Variants in KIDINS220 observed in about 807,000 individuals in gnomAD.
KIDINS220 encodes kinase D interacting substrate 220, also known as kinase D-interacting substrate of 220 kDa.
KIDINS220 carries 63 observed loss-of-function variants against 157.6 expected under a neutral mutation model. That is an observed-to-expected ratio of 0.40 (90% CI 0.33 to 0.49). The LOEUF is 0.49. KIDINS220 is among the 20% of genes least tolerant of loss of function. KIDINS220 has a pLI of 0.66. For synonymous variants in KIDINS220, 732 were observed against 783.6 expected, an observed-to-expected ratio of 0.93 and a Z score of 1.10; for missense variants, 1,772 against 2,171.2, an observed-to-expected ratio of 0.82 and a Z score of 3.65.
intron 1 of KIDINS220, among the ~76,000 whole-genome samples, chr2:8,834,387 T>C (rs1680092196): frequency 6.6e-6 from 1 of 151,920 alleles, no homozygotes; most frequent in African/African-American, 2.4e-5. Flanking sequence ...AGTGACTTTC[T>C]GTACATACGT....
At chr2:8,721,318 T>C (rs1173678239), downstream of KIDINS220, 8 of 152,156 alleles carry the variant, frequency 5.3e-5, no homozygotes, top group Non-Finnish European at 1.2e-4. Context: ...GCAAATAAGA[T>C]GAATTTATTC....
chr2:8,744,388 AATATATATATATAATATATAT>A (rs1558328264), intron 26 of KIDINS220, among the ~76,000 whole-genome samples: 6 of 26,160 alleles, frequency 2.3e-4, no homozygotes, highest in African/African-American at 9.3e-4. Context: ...AAAAAAAAAA[AATATATATATATAATATATAT>A]ATATATATAT....
At chr2:8,823,390 C>A (rs1678279638) in intron 2 of KIDINS220, among the ~76,000 whole-genome samples, 4 of 144,298 alleles carry the variant, frequency 2.8e-5, no homozygotes, top group Non-Finnish European at 3.0e-5. Flanking sequence ...TTTTGTAATT[C>A]TATAAAAATT....
At position 8,778,986 on chromosome 2, in the gene KIDINS220, CA is replaced by C; in HGVS notation, c.2523del (p.Val842CysfsTer8). The C allele has an allele frequency of 6.2e-7, 1 of 1,614,114 alleles. No individual in the cohort carries two copies. Among genetic ancestry groups the C allele is most frequent in the Non-Finnish European group, 8.5e-7 (1 of 1,179,976 alleles). On this transcript the variant is annotated frameshift_variant, in exon 19 of 30. Coordinates refer to ENST00000256707, the MANE Select transcript of KIDINS220 (RefSeq NM_020738.4). LOFTEE classifies it high-confidence loss of function. ...CTTAGTCCACGACTATTAAGGAACA[CA>C]GGCAAGTGGACTATGTTGCGCATGT... ...HDYMRNIVHL[P>X]VFLNSRGLSN...
intron 22 of KIDINS220, among the ~76,000 whole-genome samples, chr2:8,768,385 G>A (rs1049750899): frequency 3.9e-5 from 6 of 152,080 alleles, no homozygotes; most frequent in Non-Finnish European, 7.4e-5. Flanking sequence ...GTGGTTTACA[G>A]AGGGGTCTAT....
At chr2:8,775,959 T>C (rs1030272076) in intron 21 of KIDINS220, among the ~76,000 whole-genome samples, 3 of 152,220 alleles carry the variant, frequency 2.0e-5, no homozygotes, top group Non-Finnish European at 4.4e-5. Flanking sequence ...TTACCTGACA[T>C]AAGGCAGACA....
At chr2:8,800,803 T>C (rs533330139) in intron 8 of KIDINS220, among the ~76,000 whole-genome samples, 2 of 152,312 alleles carry the variant, frequency 1.3e-5, no homozygotes, top group South Asian at 4.1e-4. Flanking sequence ...CTATTACAAA[T>C]GTAAATTAAA....
chr2:8,730,670 C>T lies in KIDINS220; in HGVS notation c.*50G>A, dbSNP rs1663917536. On this transcript the variant is annotated 3_prime_UTR_variant, in exon 30 of 30. Transcript: ENST00000256707. The stretch of plus-strand genomic sequence containing the variant: ...GCGTGGATGGAGTCAAAATCCAGGA[C>T]AATTCTGTCATAAAGGTACAGTAAC... The T allele has an allele frequency of 6.4e-7, 1 of 1,557,200 alleles. No individual in the cohort carries two copies. Among genetic ancestry groups the T allele is most frequent in the Non-Finnish European group, 8.6e-7 (1 of 1,157,712 alleles).
chr2:8,794,995 T>C (rs1446527527), intron 11 of KIDINS220, among the ~76,000 whole-genome samples: 1 of 152,236 alleles, frequency 6.6e-6, no homozygotes, highest in Non-Finnish European at 1.5e-5. Flanking sequence ...ACAAAATAGT[T>C]GCTGACCTTA....
chr2:8,775,081 T>C (rs1670785007), intron 21 of KIDINS220, among the ~76,000 whole-genome samples: 2 of 152,200 alleles, frequency 1.3e-5, no homozygotes, highest in South Asian at 2.1e-4. Context: ...GGTGGTAGTA[T>C]ATGAAAGAAA....
intron 7 of KIDINS220, 46 bp downstream of exon 7, chr2:8,806,224 TA>T: frequency 7.2e-7 from 1 of 1,384,544 alleles, no homozygotes. Flanking sequence ...TCTCTTAAAA[TA>T]AAAAACATGT....
intron 15 of KIDINS220, among the ~76,000 whole-genome samples, chr2:8,788,138 T>C (rs2148258905): frequency 6.6e-6 from 1 of 152,354 alleles, no homozygotes; most frequent in South Asian, 2.1e-4. Flanking sequence ...GTGCCTCTGA[T>C]CCTTTAACGT....
chr2:8,815,220 G>C (rs1430590800), intron 4 of KIDINS220, among the ~76,000 whole-genome samples: 1 of 151,910 alleles, frequency 6.6e-6, no homozygotes, highest in Non-Finnish European at 1.5e-5. Flanking sequence ...GGGCAACATG[G>C]CAAAACCCTG....
At chr2:8,723,146 C>T (rs1663055406), downstream of KIDINS220, 3 of 152,272 alleles carry the variant, frequency 2.0e-5, no homozygotes, top group South Asian at 2.1e-4. Flanking sequence ...CCCCTTCCTC[C>T]AGGGCACACA....
intron 26 of KIDINS220, among the ~76,000 whole-genome samples, chr2:8,739,010 T>C (rs1182965414): frequency 1.3e-5 from 2 of 152,192 alleles, no homozygotes; most frequent in Non-Finnish European, 2.9e-5. Flanking sequence ...ACAAGTATAA[T>C]AGACACGGAT....
chr2:8,823,274 T>A (rs1271269280), intron 2 of KIDINS220, among the ~76,000 whole-genome samples: 2 of 152,126 alleles, frequency 1.3e-5, no homozygotes, highest in African/African-American at 2.4e-5. Flanking sequence ...TTTTAATTGA[T>A]CTAATACTTA....
intron 21 of KIDINS220, among the ~76,000 whole-genome samples, chr2:8,771,802 T>C (rs1670273543): frequency 6.6e-6 from 1 of 152,186 alleles, no homozygotes; most frequent in African/African-American, 2.4e-5. Context: ...ACAGAAATTA[T>C]ATTTTCATGG....
At chr2:8,812,647 C>T (rs968294042) in intron 5 of KIDINS220, among the ~76,000 whole-genome samples, 154 bp from the exon 6 acceptor site, 1 of 152,098 alleles carries the variant, frequency 6.6e-6, no homozygotes, top group Admixed American at 6.5e-5. Flanking sequence ...AAGGAAGTAA[C>T]ACAAAGTAAT....
Position 8,770,806 on chromosome 2 carries a change from T to G in KIDINS220, c.2875A>C (p.Ser959Arg). The G allele has an allele frequency of 6.2e-7, 1 of 1,608,842 alleles. No homozygotes were observed. Among genetic ancestry groups the G allele is most frequent in the Admixed American group, 1.7e-5 (1 of 59,358 alleles). ...TGRLLRANQI[S>R]FNWDRLASWI... ...CTAGCAAGCCTGTCCCAGTTGAAAC[T>G]AATCTGATTGGCTCTCAGTAATCGT... Residue 959 changes from serine (S) to arginine (R), a missense_variant, in exon 22 of 30, where the codon AGT becomes CGT. Ser to Arg is a moderately radical substitution (Grantham distance 110). Transcript: ENST00000256707.
Sources: allele counts gnomAD v4.1 joint callset (sites outside exome capture counted in the v4.1 genomes callset), GRCh38; gene constraint gnomAD v4.1.1; transcripts MANE v1.5; gene names NCBI Gene and HGNC (gene_info 2026-07-23, HGNC 2026-07-21).